Variants in FBF1 observed in about 807,000 individuals in gnomAD.
The protein encoded by FBF1 is fas-binding factor 1.
A neutral mutation model predicts 147.2 loss-of-function variants in FBF1; 119 were observed. That is an observed-to-expected ratio of 0.81 (90% CI 0.70 to 0.94). The LOEUF (loss-of-function observed/expected upper bound fraction) is 0.94, where lower values mean the gene tolerates loss of function less well. Among genes scored for constraint, FBF1 ranks in the 40% least tolerant of loss-of-function variants. The pLI, the probability that FBF1 is intolerant of heterozygous loss-of-function variation, is 0.00. For synonymous variants in FBF1, 601 were observed against 609.0 expected, an observed-to-expected ratio of 0.99 and a Z score of 0.19; for missense variants, 1,449 against 1,500.8, an observed-to-expected ratio of 0.97 and a Z score of 0.57.
In FBF1 at chr17:75,937,929, C is replaced by T. The variant is rs1222205907; in HGVS notation, c.3+218G>A. On this transcript the variant is annotated intron_variant, in intron 2 of 29. Transcript: ENST00000636174. ...CTGACTCCTCAATACCAGTGACAGA[C>T]ACTTAAAAACGCTTCCAGCTGGACA... The T allele has an allele frequency of 1.1e-5, 7 of 666,296 alleles. No individual in the cohort carries two copies. The East Asian group carries it at 1.9e-4, about 18-fold the overall frequency. The allele number at this position is 666,296 out of a possible 1,614,324, so 41.3% of individuals were successfully genotyped here.
chr17:75,911,692 G>A (rs2065457528), intron 29 of FBF1, among the ~76,000 whole-genome samples: 1 of 151,790 alleles, frequency 6.6e-6, no homozygotes, highest in Non-Finnish European at 1.5e-5. Flanking sequence ...CTATTTTTTT[G>A]TGGAGACGAG....
chr17:75,926,612 C>T, intron 10 of FBF1, 146 bp downstream of exon 10: 1 of 1,368,880 alleles, frequency 7.3e-7, no homozygotes, highest in Non-Finnish European at 9.8e-7. Context: ...CTTCCTATTC[C>T]TAAAGGCTGA....
At chr17:75,921,437 A>G (rs1427435479) in intron 16 of FBF1, 35 bp downstream of exon 16, 2 of 1,593,976 alleles carry the variant, frequency 1.3e-6, no homozygotes, top group African/African-American at 2.7e-5. Context: ...ACCCAGGGTT[A>G]AACTCCCAAA....
intron 28 of FBF1, among the ~76,000 whole-genome samples, chr17:75,913,061 AG>A (rs201691173): frequency 0.027 from 4,114 of 152,100 alleles, 163 homozygotes; most frequent in African/African-American, 0.081. Flanking sequence ...AGAAAAAAAA[AG>A]TACCAGAGTG....
Position 75,922,768 on chromosome 17 carries a change from G to A in FBF1, c.1424+418C>T, listed in dbSNP as rs1481610534. Among the ~76,000 whole-genome samples the A allele has an allele frequency of 2.0e-5, 3 of 152,318 alleles. No homozygotes were observed. The South Asian group carries it at 6.2e-4, about 32-fold the overall frequency. The stretch of plus-strand genomic sequence containing the variant: ...CTCTAACACTCTCAAAGAGCACAGG[G>A]ACATCTCAGCTCACACACGCCATAC... On this transcript the variant is annotated intron_variant, in intron 14 of 29. Coordinates refer to ENST00000636174, the MANE Select transcript of FBF1 (RefSeq NM_001319193.2). The surrounding 1 kb of genome is among the most constrained non-coding windows in gnomAD (Gnocchi z 5.0).
intron 23 of FBF1, among the ~76,000 whole-genome samples, chr17:75,915,745 A>C (rs2065484986): frequency 6.6e-6 from 1 of 152,160 alleles, no homozygotes; most frequent in South Asian, 2.1e-4. Context: ...ACAGTGGCTC[A>C]GCCCTATAAT....
Position 75,913,945 on chromosome 17 carries a change from G to A in FBF1, c.3097C>T (p.Arg1033Trp), listed in dbSNP as rs1427154035. 8 of 1,550,022 alleles carry A rather than the reference G, an allele frequency of 5.2e-6. No individual in the cohort carries two copies. Among genetic ancestry groups the A allele is most frequent in the Admixed American group, 3.8e-5 (2 of 52,486 alleles). ...ATGTGCTGCTCCTGCTTCCGCAGCC[G>A]CTCCTGCTGTTGCTGCACCGCCTGC... ...RLQAVQQQQE[R>W]LRKQEQHMHQ... The change falls in exon 27 of 30, where the codon CGG becomes TGG. Residue 1033 changes from arginine to tryptophan, a missense_variant. By Grantham distance (101) the Arg-to-Trp change is moderately radical. Coordinates refer to ENST00000636174, the MANE Select transcript of FBF1 (RefSeq NM_001319193.2).
chr17:75,923,279 C>T lies in FBF1; in HGVS notation c.1331G>A (p.Arg444Gln), dbSNP rs776808330. Residue 444 changes from arginine (R) to glutamine (Q), a missense_variant, in exon 14 of 30, where the codon CGG becomes CAG. Arg to Gln is a conservative substitution (Grantham distance 43). Transcript: ENST00000636174. The surrounding 1 kb of genome is among the most constrained non-coding windows in gnomAD (Gnocchi z 4.1). ...KEDWLSHALS[R>Q]KKSQGLAREQ... ...TCTGGCCAGGCCTTGGGACTTCTTC[C>T]GAGACAGGGCATGGCTCAGCCAGTC... The T allele has an allele frequency of 7.2e-5, 114 of 1,590,760 alleles. No individual in the cohort carries two copies. Among genetic ancestry groups the T allele is most frequent in the Non-Finnish European group, 9.0e-5 (105 of 1,169,174 alleles).
At chr17:75,920,472 A>G in intron 17 of FBF1, 43 bp from the exon 18 acceptor site, 8 of 1,553,600 alleles carry the variant, frequency 5.1e-6, no homozygotes, top group Non-Finnish European at 6.1e-6. Context: ...GGGAGGGGAC[A>G]GGGGCCCAGC....
intron 22 of FBF1, 35 bp downstream of exon 22, chr17:75,917,896 C>A: frequency 6.3e-7 from 1 of 1,587,188 alleles, no homozygotes. Context: ...CCCCTTCCCA[C>A]CAGGAGCCGG....
In FBF1 at chr17:75,920,110, G is replaced by A; in HGVS notation, c.1831-3C>T. 1 of 1,583,036 alleles carries A rather than the reference G, an allele frequency of 6.3e-7. No individual in the cohort carries two copies. The highest frequency in any genetic ancestry group is 8.6e-7 in the Non-Finnish European group (1 of 1,165,556). ...CGTTCTAGCTCCAGCTTCCGCACCT[G>A]GGAGACAGCAGGAGGGCCAGCAACC... On this transcript the variant is annotated splice_polypyrimidine_tract_variant and splice_region_variant and intron_variant, in intron 18 of 29. Coordinates refer to ENST00000636174, the MANE Select transcript of FBF1 (RefSeq NM_001319193.2).
intron 9 of FBF1, 51 bp downstream of exon 9, chr17:75,927,404 C>A (rs2065568928): frequency 8.6e-6 from 13 of 1,508,764 alleles, no homozygotes; most frequent in Non-Finnish European, 1.2e-5. Flanking sequence ...GCCTAGGCTG[C>A]TCCACTCCCA....
rs779472326 is a variant in FBF1 at position 75,926,020 on chromosome 17, GCCT to G, written c.868+7_868+9del. The G allele has an allele frequency of 6.3e-5, 101 of 1,598,850 alleles. No individual in the cohort carries two copies. The highest frequency in any genetic ancestry group is 8.4e-5 in the Non-Finnish European group (98 of 1,172,096). ...TCCCGTCCTGTTGCGGCCCCCGCAA[GCCT>G]CCTTACCCTGTGGCCTCTGGTACTT... On this transcript the variant is annotated splice_region_variant and intron_variant, in intron 12 of 29. Transcript: ENST00000636174.
Position 75,938,179 on chromosome 17 carries a change from C to T in FBF1, c.-30G>A. 6.2e-7 allele frequency: 1 copy of T among 1,613,568 alleles called. No individual in the cohort carries two copies. The highest frequency in any genetic ancestry group is 8.5e-7 in the Non-Finnish European group (1 of 1,179,816). On this transcript the variant is annotated 5_prime_UTR_variant, in exon 2 of 30. Transcript: ENST00000636174. ...CGGCTCTCGGGGGTGCTCTCAGCTCCTTCACAGCACTGGCCAGCTCATCTG... is the reference window on the plus strand; with the variant it reads ...CGGCTCTCGGGGGTGCTCTCAGCTCTTTCACAGCACTGGCCAGCTCATCTG...
intron 1 of FBF1, among the ~76,000 whole-genome samples, chr17:75,938,848 G>C (rs1186025730): frequency 6.8e-6 from 1 of 146,518 alleles, no homozygotes; most frequent in African/African-American, 2.6e-5. Context: ...CTGGGCAACA[G>C]AGCAAGACTC....
Position 75,931,223 on chromosome 17 carries a change from G to C in FBF1, c.228+6C>G. 5 of 1,570,250 alleles carry C rather than the reference G, an allele frequency of 3.2e-6. No homozygotes were observed. Among genetic ancestry groups the C allele is most frequent in the Non-Finnish European group, 4.3e-6 (5 of 1,157,766 alleles). ...TAGGGAGGTGGAGGGAAACAGCCAG[G>C]CTCACCTCAGCATCAGCTTCTTCCA... On this transcript the variant is annotated splice_donor_region_variant and intron_variant, in intron 6 of 29. Coordinates refer to ENST00000636174, the MANE Select transcript of FBF1 (RefSeq NM_001319193.2).
At position 75,919,644 on chromosome 17, in the gene FBF1, C is replaced by T. The variant is rs759514175; in HGVS notation, c.2138+24G>A. The T allele has an allele frequency of 1.9e-6, 3 of 1,573,106 alleles. No homozygotes were observed. Among genetic ancestry groups the T allele is most frequent in the South Asian group, 1.2e-5 (1 of 86,900 alleles). On this transcript the variant is annotated intron_variant, in intron 20 of 29. Transcript: ENST00000636174. The surrounding 1 kb of genome is among the most constrained non-coding windows in gnomAD (Gnocchi z 5.0). ...GGCTACTCCTTGCAAGCCTGCTCCC[C>T]AGCTGCCTGTCCCTGGGCCTCACCG...
chr17:75,935,305 C>T lies in FBF1; in HGVS notation c.73+327G>A, dbSNP rs568759649. Among the ~76,000 whole-genome samples, 291 of 151,942 alleles carry T rather than the reference C, an allele frequency of 1.9e-3. 2 individuals carry two copies. The highest frequency in any genetic ancestry group is 6.7e-3 in the African/African-American group (279 of 41,500). ...TCAGCTTTCCAAGTAGGTGGGATTA[C>T]AGGCGCCCGCCACTATGCCCAGCTA... On this transcript the variant is annotated intron_variant, in intron 4 of 29. Transcript: ENST00000636174.
intron 3 of FBF1, 124 bp from the exon 4 acceptor site, chr17:75,935,797 T>G: frequency 1.2e-6 from 1 of 827,720 alleles, no homozygotes; most frequent in Non-Finnish European, 1.8e-6. Flanking sequence ...GGCTTAGCTC[T>G]CCTTTCATTG....
Sources: allele counts gnomAD v4.1 joint callset (sites outside exome capture counted in the v4.1 genomes callset), GRCh38; gene constraint gnomAD v4.1.1; non-coding constraint Gnocchi (gnomAD v3.1); transcripts MANE v1.5; gene names NCBI Gene and HGNC (gene_info 2026-07-23, HGNC 2026-07-21).